The following KCND2 variants were observed in gnomAD, a reference collection of about 807,000 sequenced individuals.
KCND2 encodes potassium voltage-gated channel subfamily D member 2.
KCND2 carries 16 observed loss-of-function variants against 54.4 expected under a neutral mutation model. The observed-to-expected ratio is 0.29, with a 90% CI of 0.20 to 0.45. The LOEUF (loss-of-function observed/expected upper bound fraction) is 0.45, where lower values mean the gene tolerates loss of function less well. Ranked by LOEUF, KCND2 falls within the 20% of genes least tolerant of loss-of-function variation. The pLI is 1.00. For synonymous variants in KCND2, 317 were observed against 310.7 expected (o/e 1.02, Z -0.21); for missense variants, 486 against 824.2 (o/e 0.59, Z 5.02).
intron 1 of KCND2, among the ~76,000 whole-genome samples, chr7:120,295,015 G>T (rs1463789010): frequency 6.6e-6 from 1 of 151,596 alleles, no homozygotes; most frequent in African/African-American, 2.4e-5. Flanking sequence ...TTTTTTTGCT[G>T]AGTTTTATGT....
intron 1 of KCND2, among the ~76,000 whole-genome samples, chr7:120,285,118 T>C (rs1051851681): frequency 1.7e-4 from 26 of 152,298 alleles, no homozygotes; most frequent in African/African-American, 6.0e-4. Flanking sequence ...ACTTGCATTT[T>C]ATCCAACTCA....
At chr7:120,317,093 C>A (rs1264159373) in intron 1 of KCND2, among the ~76,000 whole-genome samples, 1 of 152,038 alleles carries the variant, frequency 6.6e-6, no homozygotes, top group African/African-American at 2.4e-5. Context: ...CCTTGGCCTC[C>A]CAAAGTGCTG....
At chr7:120,655,924 A>T (rs1312570953) in intron 1 of KCND2, among the ~76,000 whole-genome samples, 1 of 152,118 alleles carries the variant, frequency 6.6e-6, no homozygotes, top group Admixed American at 6.6e-5. Flanking sequence ...AATAGGTCAA[A>T]ATTAAAGAAG....
intron 1 of KCND2, among the ~76,000 whole-genome samples, chr7:120,442,514 T>TGAAAATGGCATGC (rs1368341407): frequency 6.6e-6 from 1 of 151,684 alleles, no homozygotes; most frequent in African/African-American, 2.4e-5. Flanking sequence ...AGTGGTGACC[T>TGAAAATGGCATGC]AAAAGTCAAC....
Position 120,275,496 on chromosome 7 carries a change from C to G in KCND2, c.864C>G (p.Ala288=). 6.2e-7 allele frequency: 1 copy of G among 1,612,466 alleles called. No homozygotes were observed. The highest frequency in any genetic ancestry group is 8.5e-7 in the Non-Finnish European group (1 of 1,179,174). Residue 288 remains alanine (A), a synonymous_variant, in exon 1 of 6, where the codon GCC becomes GCG. Transcript: ENST00000331113. ...VMTDNEDVSG[A]FVTLRVFRVF... ...CAGACAATGAGGACGTCAGCGGAGC[C>G]TTTGTCACACTCCGAGTCTTCCGGG...
Position 120,290,711 on chromosome 7 carries a change from T to C in KCND2, c.1115+14964T>C, listed in dbSNP as rs77211760. On this transcript the variant is annotated intron_variant, in intron 1 of 5. Coordinates refer to ENST00000331113, the MANE Select transcript of KCND2 (RefSeq NM_012281.3). ...GCATATTATTCAATATCCTGTACAT[T>C]AAGAGCTACACATATATGGAAATAT... is the stretch of plus-strand genomic sequence containing the variant. 7.4e-3 allele frequency among the ~76,000 whole-genome samples: 1,128 copies of C among 152,092 alleles called. 8 individuals are homozygous for C. The highest frequency in any genetic ancestry group is 0.026 in the African/African-American group (1,066 of 41,524).
intron 1 of KCND2, among the ~76,000 whole-genome samples, chr7:120,497,305 C>T (rs1229406460): frequency 6.6e-6 from 1 of 152,088 alleles, no homozygotes; most frequent in Admixed American, 6.5e-5. Flanking sequence ...TTTATCTTAC[C>T]CTTAAAAATC....
rs145009129 is a variant in KCND2, at chr7:120,346,679, C to T, written c.1115+70932C>T. On this transcript the variant is annotated intron_variant, in intron 1 of 5. Coordinates refer to ENST00000331113, the MANE Select transcript of KCND2 (RefSeq NM_012281.3). ...ATTTTCTCTTCTCTCCTCTCTCTCT[C>T]TCTCTGTCTCTTTCTCTCTCTTTCT... 5.2e-4 allele frequency among the ~76,000 whole-genome samples: 79 copies of T among 152,092 alleles called. 1 individual carries two copies. The highest frequency in any genetic ancestry group is 9.1e-4 in the Non-Finnish European group (62 of 67,966).
At chr7:120,744,766 A>G in intron 4 of KCND2, among the ~76,000 whole-genome samples, 1 of 152,092 alleles carries the variant, frequency 6.6e-6, no homozygotes, top group East Asian at 1.9e-4. Flanking sequence ...AGGATGAGAG[A>G]TGGTTAAGTG....
At chr7:120,334,940 A>G (rs1800124972) in intron 1 of KCND2, among the ~76,000 whole-genome samples, 1 of 152,234 alleles carries the variant, frequency 6.6e-6, no homozygotes, top group South Asian at 2.1e-4. Flanking sequence ...TCCATTCTCC[A>G]ACATGGATAG....
chr7:120,566,703 G>T (rs1379192044), intron 1 of KCND2, among the ~76,000 whole-genome samples: 2 of 151,792 alleles, frequency 1.3e-5, no homozygotes, highest in African/African-American at 4.8e-5. Flanking sequence ...GCTCAGAACA[G>T]TTAAATAAAT....
chr7:120,442,343 TGCCTAGTTTTAC>T (rs1356061268), intron 1 of KCND2, among the ~76,000 whole-genome samples: 3 of 152,156 alleles, frequency 2.0e-5, no homozygotes, highest in Non-Finnish European at 4.4e-5. Flanking sequence ...AGGCATGCTC[TGCCTAGTTTTAC>T]GGCAGTCTTC....
intron 1 of KCND2, among the ~76,000 whole-genome samples, chr7:120,496,232 C>G (rs1474604095): frequency 6.6e-6 from 1 of 151,938 alleles, no homozygotes; most frequent in Admixed American, 6.6e-5. Flanking sequence ...GCAATTGGAT[C>G]TCTAAGCCTC....
intron 1 of KCND2, among the ~76,000 whole-genome samples, chr7:120,706,808 T>C (rs780532406): frequency 2.0e-5 from 3 of 152,174 alleles, no homozygotes; most frequent in Non-Finnish European, 4.4e-5. Flanking sequence ...ACTTTTTTCC[T>C]ACATTTTCAG....
chr7:120,527,247 A>G (rs1208028181), intron 1 of KCND2, among the ~76,000 whole-genome samples: 1 of 152,172 alleles, frequency 6.6e-6, no homozygotes, highest in Admixed American at 6.6e-5. Context: ...AAACATCTAT[A>G]AAACATGTTG....
chr7:120,289,626 A>G (rs2116273146), intron 1 of KCND2, among the ~76,000 whole-genome samples: 1 of 152,198 alleles, frequency 6.6e-6, no homozygotes, highest in South Asian at 2.1e-4. Flanking sequence ...GTCTTGAGCC[A>G]CAAAATAAAC....
chr7:120,544,500 AT>A (rs1453965102), intron 1 of KCND2, among the ~76,000 whole-genome samples: 1 of 151,970 alleles, frequency 6.6e-6, no homozygotes, highest in African/African-American at 2.4e-5. Flanking sequence ...AAGTATAACC[AT>A]TCATAAATTA....
intron 1 of KCND2, among the ~76,000 whole-genome samples, chr7:120,727,704 T>C: frequency 6.6e-6 from 1 of 152,048 alleles, no homozygotes; most frequent in East Asian, 1.9e-4. Flanking sequence ...TTTTAACCGA[T>C]ATGAGGAAGA....
At chr7:120,416,214 T>C (rs1004819007) in intron 1 of KCND2, among the ~76,000 whole-genome samples, 1 of 152,184 alleles carries the variant, frequency 6.6e-6, no homozygotes, top group Non-Finnish European at 1.5e-5. Flanking sequence ...AACCTGTTTA[T>C]TTCTTAAAAC....
Sources: gnomAD v4.1 joint callset for allele counts (sites outside exome capture counted in the v4.1 genomes callset) on GRCh38, gnomAD v4.1.1 for gene constraint, MANE v1.5 for transcripts, NCBI Gene and HGNC (gene_info 2026-07-23, HGNC 2026-07-21) for gene names.